CLCA1: variants seen among roughly 807,000 people sequenced by gnomAD.
The protein encoded by CLCA1 is calcium-activated chloride channel regulator 1.
In CLCA1, 59 loss-of-function variants were observed where a neutral mutation model predicts 85.6. The observed-to-expected ratio is 0.69, with a 90% CI of 0.56 to 0.86. The LOEUF (loss-of-function observed/expected upper bound fraction) is 0.86. CLCA1 is among the 40% of genes least tolerant of loss of function. The pLI, the probability that CLCA1 is intolerant of heterozygous loss-of-function variation, is 0.00. For synonymous variants in CLCA1, 396 were observed against 398.3 expected (o/e 0.99, Z 0.07); for missense variants, 1,022 against 1,101.4 (o/e 0.93, Z 1.02).
In CLCA1 at chr1:86,494,437, A is replaced by G. The variant is rs1339689824; in HGVS notation, c.1931A>G (p.Asp644Gly). ...AAAACAGTTACCTTGGAACTACTGG[A>G]TAATGGAGCAGGTAATCACCCAAGA... ...NGKTVTLELL[D>G]NGAGADATKD... The change falls in exon 11 of 14, where the codon GAT becomes GGT. Residue 644 changes from aspartate to glycine, a missense_variant. Coordinates refer to ENST00000394711, the MANE Select transcript of CLCA1 (RefSeq NM_001285.4). 1 of 1,613,876 alleles carries G rather than the reference A, an allele frequency of 6.2e-7. No individual in the cohort carries two copies. Among genetic ancestry groups the G allele is most frequent in the Non-Finnish European group, 8.5e-7 (1 of 1,179,844 alleles).
At chr1:86,491,029 C>A (rs1190220387) in intron 8 of CLCA1, among the ~76,000 whole-genome samples, 2 of 151,914 alleles carry the variant, frequency 1.3e-5, no homozygotes, top group African/African-American at 4.8e-5. Flanking sequence ...GAGCCAGGAT[C>A]ATGCCACTGT....
intron 1 of CLCA1, among the ~76,000 whole-genome samples, chr1:86,471,804 A>G (rs1647505159): frequency 6.6e-6 from 1 of 152,200 alleles, no homozygotes. Context: ...AAAGGGAGAA[A>G]TTGAGGCTCA....
At position 86,494,461 on chromosome 1, in the gene CLCA1, G is replaced by T. The variant is rs367948251; in HGVS notation, c.1942+13G>T. ...GATAATGGAGCAGGTAATCACCCAA[G>T]AAATTGGAAGATATTTATTTCTTTT... On this transcript the variant is annotated intron_variant, in intron 11 of 13. Transcript: ENST00000394711. The T allele has an allele frequency of 1.8e-5, 29 of 1,611,722 alleles. 1 individual carries two copies. The South Asian group carries it at 2.7e-4, about 15-fold the overall frequency.
chr1:86,484,090 C>G (rs1170980219), intron 5 of CLCA1, among the ~76,000 whole-genome samples: 3 of 152,174 alleles, frequency 2.0e-5, no homozygotes, highest in Non-Finnish European at 4.4e-5. Context: ...TCTCGATGAT[C>G]CAATCACCTC....
Position 86,485,370 on chromosome 1 carries a change from C to G in CLCA1, c.763C>G (p.His255Asp), listed in dbSNP as rs1301799018. 2 of 1,613,910 alleles carry G rather than the reference C, an allele frequency of 1.2e-6. No homozygotes were observed. The highest frequency in any genetic ancestry group is 1.7e-6 in the Non-Finnish European group (2 of 1,179,882). Residue 255 changes from histidine (H) to aspartate (D), a missense_variant, in exon 6 of 14, where the codon CAC (histidine) becomes GAC (aspartate). By Grantham distance (81) the His-to-Asp change is moderately conservative. Transcript: ENST00000394711. ...AGTTGAATTCTGTACAGAACAAAAC[C>G]ACAACAAAGAAGCTCCAAACAAGCA... Reference protein sequence around the residue: ...SIVEFCTEQNHNKEAPNKQNQ... With the variant: ...SIVEFCTEQNDNKEAPNKQNQ...
At chr1:86,493,693 T>A in intron 10 of CLCA1, 94 bp downstream of exon 10, 1 of 952,784 alleles carries the variant, frequency 1.0e-6, no homozygotes. Context: ...TGGTGGTTGC[T>A]AAAAGGAGAG....
intron 3 of CLCA1, among the ~76,000 whole-genome samples, chr1:86,475,320 C>T (rs1222957413): frequency 1.3e-5 from 2 of 152,198 alleles, no homozygotes; most frequent in Admixed American, 6.5e-5. Context: ...CACAGAATGC[C>T]CCACCTCACA....
rs1380761213 is a variant in CLCA1 at position 86,493,555 on chromosome 1, A to C, written c.1636A>C (p.Lys546Gln). Residue 546 changes from lysine (K) to glutamine (Q), a missense_variant, in exon 10 of 14, where the codon AAA becomes CAA. Physicochemically the swap from Lys to Gln is moderately conservative, Grantham distance 53 (BLOSUM62 1). Transcript: ENST00000394711. ...GAAGCAAGGTGGCTTTGTAGTGGACAAAAACACCAAAATGGCCTACCTCCA... is the reference window on the plus strand; with the variant it reads ...GAAGCAAGGTGGCTTTGTAGTGGACCAAAACACCAAAATGGCCTACCTCCA... ...GQKQGGFVVD[K>Q]NTKMAYLQIP... 6.2e-7 allele frequency: 1 copy of C among 1,614,118 alleles called. No individual in the cohort carries two copies. Among genetic ancestry groups the C allele is most frequent in the Non-Finnish European group, 8.5e-7 (1 of 1,179,968 alleles).
At position 86,482,333 on chromosome 1, in the gene CLCA1, C is replaced by A. The variant is rs746147234; in HGVS notation, c.686C>A (p.Ser229Tyr). The change falls in exon 5 of 14, where the codon TCC becomes TAC. Residue 229 changes from serine (S) to tyrosine (Y), a missense_variant. Physicochemically the swap from Ser to Tyr is moderately radical, Grantham distance 144. Transcript: ENST00000394711. ...AAAGGATGTGAGTTTGTTCTCCAATCCCGCCAGACGGAGAAGGCTTCTATA... is the reference window on the plus strand; with the variant it reads ...AAAGGATGTGAGTTTGTTCTCCAATACCGCCAGACGGAGAAGGCTTCTATA... ...YEKGCEFVLQ[S>Y]RQTEKASIMF... is the part of the protein sequence containing the mutation. The A allele has an allele frequency of 1.2e-6, 2 of 1,614,114 alleles. No individual in the cohort carries two copies. The highest frequency in any genetic ancestry group is 1.7e-6 in the Non-Finnish European group (2 of 1,179,982).
rs889720928 is a variant in CLCA1 at position 86,498,466 on chromosome 1, A to C, written c.2114-106A>C. 3 of 1,103,858 alleles carry C rather than the reference A, an allele frequency of 2.7e-6. No individual in the cohort carries two copies. In the Admixed American group the frequency reaches 6.3e-5, roughly 23 times the overall value. The allele number at this position is 1,103,858 out of a possible 1,614,324, so 68.4% of individuals were successfully genotyped here. ...ATTAATTCTGTGTGTGGAAGGAAAG[A>C]AGCAGAAGTGGGGAACAGGAAGAGG... On this transcript the variant is annotated intron_variant, in intron 12 of 13. Coordinates refer to ENST00000394711, the MANE Select transcript of CLCA1 (RefSeq NM_001285.4).
At chr1:86,494,118 G>C in intron 10 of CLCA1, 69 bp from the exon 11 acceptor site, 1 of 1,562,328 alleles carries the variant, frequency 6.4e-7, no homozygotes, top group Non-Finnish European at 8.8e-7. Context: ...TTTCCCGTAC[G>C]TGACATTGAA....
Position 86,495,626 on chromosome 1 carries a change from G to A in CLCA1, c.2064G>A (p.Val688=). The A allele has an allele frequency of 1.2e-6, 2 of 1,614,140 alleles. No individual in the cohort carries two copies. Among genetic ancestry groups the A allele is most frequent in the Non-Finnish European group, 1.7e-6 (2 of 1,179,998 alleles). ...LGGVNAARRR[V]IPQQSGALYI... is the part of the protein sequence containing the mutation. ...GAGTTAACGCAGCCAGACGGAGAGT[G>A]ATACCCCAGCAGAGTGGAGCACTGT... The change falls in exon 12 of 14, where the codon GTG becomes GTA. Residue 688 remains valine (V), a synonymous_variant. Coordinates refer to ENST00000394711, the MANE Select transcript of CLCA1 (RefSeq NM_001285.4).
At position 86,473,887 on chromosome 1, in the gene CLCA1, T is replaced by G; in HGVS notation, c.451+11T>G. 6.3e-7 allele frequency: 1 copy of G among 1,585,790 alleles called. No homozygotes were observed. The highest frequency in any genetic ancestry group is 8.6e-7 in the Non-Finnish European group (1 of 1,164,286). Reference sequence around the variant, plus strand: ...AATATGGACCACAAGGTATGAAATATTCTACCATACTTCTCATACAATTTA... The same window carrying G: ...AATATGGACCACAAGGTATGAAATAGTCTACCATACTTCTCATACAATTTA... On this transcript the variant is annotated intron_variant, in intron 3 of 13. Transcript: ENST00000394711.
chr1:86,494,498 A>G (rs369134903), intron 11 of CLCA1, 50 bp downstream of exon 11: 3 of 1,597,178 alleles, frequency 1.9e-6, no homozygotes, highest in Admixed American at 3.4e-5. Flanking sequence ...CCAAGAAGCA[A>G]CCAGGGAATG....
rs770544518 is a variant in CLCA1, at chr1:86,485,427, G to T, written c.820G>T (p.Glu274Ter). Reference protein sequence around the residue: ...NQKCNLRSTWEVIRDSEDFKK... With the variant: ...NQKCNLRSTW ...AAAATGCAATCTCCGAAGCACATGG[G>T]AAGTGATCCGTGATTCTGAGGACTT... The change falls in exon 6 of 14, where the codon GAA (glutamate) becomes TAA (stop). Residue 274 changes from glutamate to a stop codon, truncating the protein, a stop_gained. Coordinates refer to ENST00000394711, the MANE Select transcript of CLCA1 (RefSeq NM_001285.4). LOFTEE classifies it high-confidence loss of function. 3.7e-6 allele frequency: 6 copies of T among 1,614,154 alleles called. No homozygotes were observed. Among genetic ancestry groups the T allele is most frequent in the Admixed American group, 1.7e-5 (1 of 60,026 alleles).
intron 4 of CLCA1, among the ~76,000 whole-genome samples, chr1:86,480,049 G>A (rs1217547550): frequency 6.6e-6 from 1 of 152,014 alleles, no homozygotes; most frequent in Non-Finnish European, 1.5e-5. Context: ...TTTTCCAATT[G>A]GATGGACTCT....
At chr1:86,484,418 A>G (rs2101737428) in intron 5 of CLCA1, among the ~76,000 whole-genome samples, 1 of 152,312 alleles carries the variant, frequency 6.6e-6, no homozygotes, top group African/African-American at 2.4e-5. Flanking sequence ...CTGACAGGCT[A>G]TAGTGGGGTA....
In CLCA1 at chr1:86,495,648, C is replaced by T; in HGVS notation, c.2086C>T (p.Leu696=). The change falls in exon 12 of 14, where the codon CTG becomes TTG. Residue 696 remains leucine (L), a synonymous_variant. Transcript: ENST00000394711. Reference sequence around the variant, plus strand: ...AGTGATACCCCAGCAGAGTGGAGCACTGTACATACCTGGCTGGATTGAGAA... The same window carrying T: ...AGTGATACCCCAGCAGAGTGGAGCATTGTACATACCTGGCTGGATTGAGAA... ...RRVIPQQSGA[L]YIPGWIENDE... 6.2e-7 allele frequency: 1 copy of T among 1,612,316 alleles called. No individual in the cohort carries two copies. The highest frequency in any genetic ancestry group is 8.5e-7 in the Non-Finnish European group (1 of 1,179,422).
chr1:86,477,733 G>A (rs752471244), intron 4 of CLCA1, among the ~76,000 whole-genome samples: 2 of 152,162 alleles, frequency 1.3e-5, no homozygotes, highest in African/African-American at 2.4e-5. Context: ...CAAAAATGTT[G>A]TAATAGTAAG....
Sources: allele counts gnomAD v4.1 joint callset (sites outside exome capture counted in the v4.1 genomes callset), GRCh38; gene constraint gnomAD v4.1.1; transcripts MANE v1.5; gene names NCBI Gene and HGNC (gene_info 2026-07-23, HGNC 2026-07-21).